PPFIBP2: variants seen among roughly 807,000 people sequenced by gnomAD.
PPFIBP2 encodes PPFIB scaffold protein 2.
A neutral mutation model predicts 118.3 loss-of-function variants in PPFIBP2; 118 were observed. The observed-to-expected ratio is 1.00, with a 90% confidence interval of 0.86 to 1.16. The LOEUF (loss-of-function observed/expected upper bound fraction) is 1.16, where lower values mean the gene tolerates loss of function less well. PPFIBP2 is among the 50% of genes most tolerant of loss of function. The probability of loss-of-function intolerance (pLI) is 0.00; values close to 1 mark genes in which losing one functional copy is unlikely to be tolerated. For synonymous variants in PPFIBP2, 414 were observed against 397.4 expected (o/e 1.04, Z -0.50); for missense variants, 1,195 against 1,073.1 (o/e 1.11, Z -1.59).
rs998993028 is a variant in PPFIBP2 at position 7,620,804 on chromosome 11, T to G, written c.619-131T>G. ...AGCTTTCCTGAAACAAGGGACGTGT[T>G]TAAAGATTAAAGCTGTTATGTGGAG... is the stretch of plus-strand genomic sequence containing the variant. On this transcript the variant is annotated intron_variant, in intron 6 of 23. Transcript: ENST00000299492. 2.9e-5 allele frequency: 20 copies of G among 690,590 alleles called. No homozygotes were observed. In the Admixed American group the frequency reaches 4.5e-4, roughly 16 times the overall value. 42.8% of individuals were successfully genotyped at this position (690,590 alleles called of 1,614,324 possible).
chr11:7,625,885 G>GA lies in PPFIBP2; in HGVS notation c.821dup (p.Arg275GlufsTer20), dbSNP rs1455650292. ...AGCTCTCCACAGTGAGAGTCACACA[G>GA]AGAGAGGTGACTAGCTTGACTCTGA... On this transcript the variant is annotated frameshift_variant, in exon 8 of 24. Coordinates refer to ENST00000299492, the MANE Select transcript of PPFIBP2 (RefSeq NM_003621.5). LOFTEE classifies it high-confidence loss of function. 12 of 1,613,744 alleles carry GA rather than the reference G, an allele frequency of 7.4e-6. No individual in the cohort carries two copies. Among genetic ancestry groups the GA allele is most frequent in the Non-Finnish European group, 1.0e-5 (12 of 1,179,630 alleles).
In PPFIBP2 at chr11:7,610,312, C is replaced by T; in HGVS notation, c.508C>T (p.Leu170Phe). ...LQQELLSRTS[L>F]ETQKLDLMTE... is the part of the protein sequence containing the mutation. Reference sequence around the variant, plus strand: ...GCAGGAGCTGCTAAGCCGCACATCTCTTGAGACCCAGAAGCTCGATCTGAT... The same window carrying T: ...GCAGGAGCTGCTAAGCCGCACATCTTTTGAGACCCAGAAGCTCGATCTGAT... The change falls in exon 6 of 24, where the codon CTT becomes TTT. Residue 170 changes from leucine to phenylalanine, a missense_variant. Leu to Phe is a conservative substitution (Grantham distance 22). Transcript: ENST00000299492. 2 of 1,614,122 alleles carry T rather than the reference C, an allele frequency of 1.2e-6. No homozygotes were observed. The highest frequency in any genetic ancestry group is 2.2e-5 in the South Asian group (2 of 91,072).
At chr11:7,620,138 G>A (rs557733155) in intron 6 of PPFIBP2, among the ~76,000 whole-genome samples, 27 of 152,210 alleles carry the variant, frequency 1.8e-4, no homozygotes, top group African/African-American at 5.5e-4. Flanking sequence ...AAATGAGTAA[G>A]AGAAAATTGT....
At chr11:7,629,683 G>GA in intron 10 of PPFIBP2, 149 bp downstream of exon 10, 1 of 750,350 alleles carries the variant, frequency 1.3e-6, no homozygotes, top group Non-Finnish European at 2.3e-6. Flanking sequence ...TTTTCTGCAT[G>GA]ATGAGAACTT....
At chr11:7,601,768 T>G (rs12290751) in intron 5 of PPFIBP2, among the ~76,000 whole-genome samples, 2 of 151,870 alleles carry the variant, frequency 1.3e-5, no homozygotes, top group Non-Finnish European at 2.9e-5. Flanking sequence ...GAGAACAGCC[T>G]GACCAACATG....
rs1249932283 is a variant in PPFIBP2, at chr11:7,575,865, A to G, written c.279+10098A>G. Among the ~76,000 whole-genome samples the G allele has an allele frequency of 2.0e-5, 3 of 152,326 alleles. No individual in the cohort carries two copies. In the East Asian group the frequency reaches 5.8e-4, roughly 29 times the overall value. ...GTGCTGTGGAGCAGGGCCAGAGGTGAGGAGCAAGGGGCTAGAGCTCAGCGC... is the reference window on the plus strand; with the variant it reads ...GTGCTGTGGAGCAGGGCCAGAGGTGGGGAGCAAGGGGCTAGAGCTCAGCGC... On this transcript the variant is annotated intron_variant, in intron 3 of 23. Transcript: ENST00000299492.
At chr11:7,660,697 G>A (rs995545937), downstream of PPFIBP2, among the ~76,000 whole-genome samples, 2 of 150,840 alleles carry the variant, frequency 1.3e-5, no homozygotes, top group Non-Finnish European at 3.0e-5. Context: ...TTTTTCTATT[G>A]ATTGGAATAG....
intron 14 of PPFIBP2, among the ~76,000 whole-genome samples, chr11:7,638,782 GA>G (rs1212674215): frequency 6.6e-6 from 1 of 152,174 alleles, no homozygotes; most frequent in Non-Finnish European, 1.5e-5. Flanking sequence ...CAGATTAAGA[GA>G]GGCCATTGTA....
At chr11:7,547,405 A>T (rs1043947214) in intron 1 of PPFIBP2, among the ~76,000 whole-genome samples, 1 of 152,174 alleles carries the variant, frequency 6.6e-6, no homozygotes, top group Non-Finnish European at 1.5e-5. Context: ...AACCTGCTTC[A>T]TAGGCCACAG....
At chr11:7,597,452 G>C (rs1860552871) in intron 4 of PPFIBP2, 108 bp from the exon 5 acceptor site, 1 of 1,534,722 alleles carries the variant, frequency 6.5e-7, no homozygotes, top group Non-Finnish European at 8.8e-7. Context: ...ATCGTTCACT[G>C]TGTGTAAGAG....
At chr11:7,573,005 C>T (rs564432781) in intron 3 of PPFIBP2, among the ~76,000 whole-genome samples, 2 of 152,190 alleles carry the variant, frequency 1.3e-5, no homozygotes, top group African/African-American at 4.8e-5. Flanking sequence ...ATCTTGAACT[C>T]CTGACCTCAG....
chr11:7,575,207 G>A (rs183439905), intron 3 of PPFIBP2, among the ~76,000 whole-genome samples: 2 of 152,106 alleles, frequency 1.3e-5, no homozygotes, highest in African/African-American at 2.4e-5. Context: ...GTTTAAATTC[G>A]TACTGTGTGC....
rs61888787 is a variant in PPFIBP2 at position 7,613,595 on chromosome 11, G to T, written c.618+3173G>T. 7.2e-5 allele frequency among the ~76,000 whole-genome samples: 11 copies of T among 152,252 alleles called. No homozygotes were observed. In the South Asian group the frequency reaches 2.3e-3, roughly 32 times the overall value. ...GTAGGACTACAGAAGAGTGATTGAC[G>T]TGGAAAGTAAATACCAAAATCAAGA... On this transcript the variant is annotated intron_variant, in intron 6 of 23. Transcript: ENST00000299492.
chr11:7,538,141 T>G (rs1211496093), intron 1 of PPFIBP2: 1 of 152,326 alleles, frequency 6.6e-6, no homozygotes, highest in Admixed American at 6.5e-5. Flanking sequence ...GATGTGCTTT[T>G]GGGTGTGAGC....
the PPFIBP2 span, among the ~76,000 whole-genome samples, chr11:7,664,830 G>C: frequency 5.7e-5 from 7 of 123,556 alleles, no homozygotes; most frequent in Admixed American, 9.2e-5. Flanking sequence ...ACAGACCCTC[G>C]TTTGGGTTTC....
At chr11:7,554,113 C>G (rs1853302705) in intron 2 of PPFIBP2, among the ~76,000 whole-genome samples, 1 of 152,168 alleles carries the variant, frequency 6.6e-6, no homozygotes, top group Admixed American at 6.5e-5. Flanking sequence ...TTTATGTTCT[C>G]TTATTAATTT....
chr11:7,633,641 G>A (rs1851069829), intron 12 of PPFIBP2, among the ~76,000 whole-genome samples: 1 of 152,132 alleles, frequency 6.6e-6, no homozygotes, highest in South Asian at 2.1e-4. Flanking sequence ...TCCAGAGCCT[G>A]CACTCTGAGT....
the PPFIBP2 span, among the ~76,000 whole-genome samples, chr11:7,663,614 C>T: frequency 1.3e-5 from 2 of 152,374 alleles, no homozygotes; most frequent in Middle Eastern, 3.4e-3. Flanking sequence ...TGTCTGTTCC[C>T]TGCCCCCAGA....
the PPFIBP2 span, among the ~76,000 whole-genome samples, chr11:7,663,733 G>T: frequency 4.6e-5 from 7 of 152,196 alleles, no homozygotes; most frequent in East Asian, 1.9e-4. Flanking sequence ...AATGGCGGGC[G>T]CCCCTCCCCC....
Sources: allele counts gnomAD v4.1 joint callset (sites outside exome capture counted in the v4.1 genomes callset), GRCh38; gene constraint gnomAD v4.1.1; transcripts MANE v1.5; gene names NCBI Gene and HGNC (gene_info 2026-07-23, HGNC 2026-07-21).